RTL9: variants seen among roughly 807,000 people sequenced by gnomAD.
The protein encoded by RTL9 is retrotransposon Gag like 9, also known as retrotransposon Gag-like protein 9.
In RTL9, 19 loss-of-function variants were observed where a neutral mutation model predicts 44.7. That is an observed-to-expected ratio of 0.42 (90% confidence interval 0.30 to 0.62). The LOEUF is 0.62. Ranked by LOEUF, RTL9 falls within the 20% of genes least tolerant of loss-of-function variation. The pLI is 0.16. For synonymous variants in RTL9, 407 were observed against 398.9 expected, an observed-to-expected ratio of 1.02 and a Z score of -0.24; for missense variants, 1,105 against 1,080.6, an observed-to-expected ratio of 1.02 and a Z score of -0.32.
chrX:110,448,486 T>A (rs903174899), upstream of RTL9, among the ~76,000 whole-genome samples: 41 of 109,015 alleles, frequency 3.8e-4, no homozygotes, highest in South Asian at 1.2e-3. Flanking sequence ...GGGTGGGGCA[T>A]AGGCTGGTGG....
Position 110,451,191 on chromosome X carries a change from A to G in RTL9, c.574A>G (p.Thr192Ala), listed in dbSNP as rs772759374. Residue 192 changes from threonine to alanine, a missense_variant, in exon 1 of 2, where the codon ACA (threonine) becomes GCA (alanine). By Grantham distance (58) the Thr-to-Ala change is moderately conservative. Coordinates refer to ENST00000540313, the Ensembl canonical transcript of RTL9. Reference sequence around the variant, plus strand: ...CACTTCATCCTCTGAGGCAATGTCCACACCATTAATGCTAGCCCCAGATTC... The same window carrying G: ...CACTTCATCCTCTGAGGCAATGTCCGCACCATTAATGCTAGCCCCAGATTC... The G allele has an allele frequency of 3.3e-6, 4 of 1,210,273 alleles. No individual in the cohort carries two copies. In the East Asian group the frequency reaches 1.2e-4, roughly 36 times the overall value.
intron 1 of RTL9, among the ~76,000 whole-genome samples, chrX:110,370,258 G>T (rs1283934419): frequency 1.8e-5 from 2 of 110,565 alleles, no homozygotes; most frequent in Non-Finnish European, 3.8e-5. Flanking sequence ...ACCCAGGCTG[G>T]AGTGCAATGG....
chrX:110,423,470 G>T (rs1431532907), intron 1 of RTL9, among the ~76,000 whole-genome samples: 1 of 112,337 alleles, frequency 8.9e-6, no homozygotes, highest in Non-Finnish European at 1.9e-5. Context: ...TGCTCAGCCT[G>T]AGAGGCTCTC....
At chrX:110,402,835 G>T (rs1455194823) in intron 1 of RTL9, among the ~76,000 whole-genome samples, 3 of 112,121 alleles carry the variant, frequency 2.7e-5, no homozygotes, top group African/African-American at 9.7e-5. Context: ...GTCCTGAAAG[G>T]GGGGTGTCTC....
At chrX:110,421,830 C>A (rs188157872) in intron 1 of RTL9, among the ~76,000 whole-genome samples, 1 of 112,650 alleles carries the variant, frequency 8.9e-6, no homozygotes, top group Admixed American at 9.4e-5. Context: ...TTGCCAACCA[C>A]CTTGAGGTGT....
chrX:110,409,311 C>T (rs747398400), intron 1 of RTL9, among the ~76,000 whole-genome samples: 3 of 111,183 alleles, frequency 2.7e-5, no homozygotes, highest in Non-Finnish European at 3.8e-5. Flanking sequence ...AGGCCCAGGG[C>T]TTCCTACAGT....
chrX:110,384,226 A>G (rs180961386), intron 1 of RTL9, among the ~76,000 whole-genome samples: 3 of 111,155 alleles, frequency 2.7e-5, no homozygotes, highest in East Asian at 5.6e-4. Flanking sequence ...TCTCCCCCAT[A>G]GTGCCTGGTG....
At position 110,451,208 on chromosome X, in the gene RTL9, C is replaced by A. The variant is rs149389246; in HGVS notation, c.591C>A (p.Ala197=). The change falls in exon 1 of 2, where the codon GCC becomes GCA. Residue 197 remains alanine (A), a synonymous_variant. Coordinates refer to ENST00000540313, the Ensembl canonical transcript of RTL9. ...CAATGTCCACACCATTAATGCTAGC[C>A]CCAGATTCTGGAGAGTTATCCCCAA... 5.8e-6 allele frequency: 7 copies of A among 1,210,087 alleles called. No individual in the cohort carries two copies. In the African/African-American group the frequency reaches 1.2e-4, roughly 21 times the overall value.
chrX:110,416,368 C>T (rs2068677688), upstream of RTL9, among the ~76,000 whole-genome samples: 2 of 112,057 alleles, frequency 1.8e-5, no homozygotes, highest in Admixed American at 9.4e-5. Flanking sequence ...TACCATGTCC[C>T]GGGCACATGG....
intron 1 of RTL9, among the ~76,000 whole-genome samples, chrX:110,383,346 T>C (rs1173164069): frequency 9.0e-6 from 1 of 111,578 alleles, no homozygotes; most frequent in African/African-American, 3.3e-5. Context: ...TAGCAAAATT[T>C]GTTTCCCAAG....
intron 1 of RTL9, among the ~76,000 whole-genome samples, chrX:110,398,557 C>T (rs1183144524): frequency 1.8e-5 from 2 of 112,361 alleles, no homozygotes; most frequent in Admixed American, 9.4e-5. Flanking sequence ...TCTGTTTTTA[C>T]AAATGATGAA....
chrX:110,440,060 A>G (rs1262585835), intron 1 of RTL9: 4 of 109,563 alleles, frequency 3.7e-5, no homozygotes, highest in Non-Finnish European at 7.6e-5. Context: ...AACTCAGACC[A>G]CCCCCAGGAT....
At chrX:110,395,748 A>G (rs1005459751) in intron 1 of RTL9, among the ~76,000 whole-genome samples, 4 of 111,053 alleles carry the variant, frequency 3.6e-5, no homozygotes, top group African/African-American at 1.3e-4. Context: ...AGGCCCTGAA[A>G]TCTCCTGGGA....
At chrX:110,415,897 C>T (rs1165267895), upstream of RTL9, among the ~76,000 whole-genome samples, 4 of 109,624 alleles carry the variant, frequency 3.6e-5, no homozygotes, top group African/African-American at 1.3e-4. Context: ...TTTTCTGGCT[C>T]TTGAATAAAA....
At chrX:110,384,978 A>G (rs960091908) in intron 1 of RTL9, among the ~76,000 whole-genome samples, 2 of 110,967 alleles carry the variant, frequency 1.8e-5, no homozygotes, top group African/African-American at 6.6e-5. Context: ...AAGTCTGTGC[A>G]GAGAAGACAC....
At chrX:110,398,587 AG>A (rs2068543379) in intron 1 of RTL9, among the ~76,000 whole-genome samples, 1 of 112,109 alleles carries the variant, frequency 8.9e-6, no homozygotes, top group African/African-American at 3.2e-5. Context: ...CAGAGAGGTT[AG>A]TGACTTGCCC....
intron 1 of RTL9, among the ~76,000 whole-genome samples, chrX:110,430,814 A>C (rs748842671): frequency 1.2e-4 from 13 of 112,652 alleles, no homozygotes; most frequent in Non-Finnish European, 1.5e-4. Flanking sequence ...GAAATTAAAC[A>C]CAGGAGTGCT....
intron 1 of RTL9, among the ~76,000 whole-genome samples, chrX:110,421,331 C>G (rs931670096): frequency 8.9e-6 from 1 of 112,649 alleles, no homozygotes; most frequent in African/African-American, 3.2e-5. Context: ...TGGCAGGATG[C>G]TGCCATACAG....
At chrX:110,376,683 G>C (rs1046009358) in intron 1 of RTL9, among the ~76,000 whole-genome samples, 2 of 112,139 alleles carry the variant, frequency 1.8e-5, no homozygotes, top group Non-Finnish European at 3.8e-5. Context: ...GACAGATGTG[G>C]GTTCAAATCC....
Sources: gnomAD v4.1 joint callset for allele counts (sites outside exome capture counted in the v4.1 genomes callset) on GRCh38, gnomAD v4.1.1 for gene constraint, MANE v1.5 for transcripts, NCBI Gene and HGNC (gene_info 2026-07-23, HGNC 2026-07-21) for gene names.